The following UBE3A variants were observed in gnomAD, a reference collection of about 807,000 sequenced individuals.
The protein encoded by UBE3A is ubiquitin protein ligase E3A, also known as ubiquitin-protein ligase E3A.
UBE3A carries 6 observed loss-of-function variants against 83.4 expected under a neutral mutation model. The observed-to-expected ratio is 0.07, with a 90% CI of 0.04 to 0.14. The LOEUF (loss-of-function observed/expected upper bound fraction) is 0.14, where lower values mean the gene tolerates loss of function less well. Among genes scored for constraint, UBE3A ranks in the 10% least tolerant of loss-of-function variants. UBE3A has a pLI of 1.00. For missense variants in UBE3A, 456 were observed against 1,036.1 expected (o/e 0.44, Z 7.69); for synonymous variants, 337 against 355.4 (o/e 0.95, Z 0.58).
At chr15:25,410,417 G>C (rs774223837) in intron 2 of UBE3A, among the ~76,000 whole-genome samples, 2 of 152,090 alleles carry the variant, frequency 1.3e-5, no homozygotes, top group Admixed American at 6.5e-5. Context: ...AGTATCAAAA[G>C]ATCATTTTGT....
At chr15:25,401,541 G>A (rs2087088307) in intron 4 of UBE3A, among the ~76,000 whole-genome samples, 2 of 152,206 alleles carry the variant, frequency 1.3e-5, no homozygotes, top group Non-Finnish European at 2.9e-5. Context: ...ATGTGTCTAG[G>A]AATTTATCCA....
intron 4 of UBE3A, among the ~76,000 whole-genome samples, chr15:25,398,190 A>AAAAAC (rs2086040175): frequency 2.0e-5 from 2 of 98,338 alleles, no homozygotes; most frequent in African/African-American, 3.0e-5. Context: ...AAAAAAAAAA[A>AAAAAC]ACACAAAAAA....
chr15:25,433,726 C>T (rs1894176410), intron 1 of UBE3A, among the ~76,000 whole-genome samples: 1 of 152,044 alleles, frequency 6.6e-6, no homozygotes, highest in African/African-American at 2.4e-5. Context: ...TTAGGGATAT[C>T]AGTCATAAGG....
At position 25,371,183 on chromosome 15, in the gene UBE3A, C is replaced by T; in HGVS notation, c.991G>A (p.Asp331Asn). 1 of 1,614,162 alleles carries T rather than the reference C, an allele frequency of 6.2e-7. No individual in the cohort carries two copies. Among genetic ancestry groups the T allele is most frequent in the Non-Finnish European group, 8.5e-7 (1 of 1,180,034 alleles). ...LIRLWSKYNA[D>N]QIRRMMETFQ... ...GTCTCCATCATTCTCCGAATCTGGTCTGCATTGTATTTAGACCACAGTCTG... is the reference window on the plus strand; with the variant it reads ...GTCTCCATCATTCTCCGAATCTGGTTTGCATTGTATTTAGACCACAGTCTG... Residue 331 changes from aspartate to asparagine, a missense_variant, in exon 6 of 13, where the codon GAC becomes AAC. By Grantham distance (23) the Asp-to-Asn change is conservative (BLOSUM62 1). Around this residue, in one of 13 missense-constraint regions of UBE3A, gnomAD observed 85 missense variants for 137.0 expected, o/e 0.62. Coordinates refer to ENST00000648336, the MANE Select transcript of UBE3A (RefSeq NM_130839.5). The surrounding 1 kb of genome is among the most constrained non-coding windows in gnomAD (Gnocchi z 5.3).
intron 1 of UBE3A, among the ~76,000 whole-genome samples, chr15:25,432,567 A>G (rs548902405): frequency 5.9e-4 from 90 of 152,326 alleles, no homozygotes; most frequent in African/African-American, 2.1e-3. Context: ...ACACATCCAG[A>G]ACTAGGAAAG....
rs193106207 is a variant in UBE3A at position 25,410,050 on chromosome 15, G to A, written c.-100-843C>T. Among the ~76,000 whole-genome samples, 767 of 152,142 alleles carry A rather than the reference G, an allele frequency of 5.0e-3. 8 individuals carry two copies. The highest frequency in any genetic ancestry group is 0.018 in the African/African-American group (730 of 41,472). On this transcript the variant is annotated intron_variant, in intron 2 of 12. Transcript: ENST00000648336. ...GGAAATATACCTAATGCTAAATGAC[G>A]AGTTAATGGGTGCAGCACACCAGCA...
chr15:25,435,325 G>A (rs980336160), intron 1 of UBE3A, among the ~76,000 whole-genome samples: 15 of 152,066 alleles, frequency 9.9e-5, no homozygotes, highest in African/African-American at 3.4e-4. Context: ...GTCTTTGTGG[G>A]TCCTGTACTT....
At chr15:25,422,715 C>T (rs1890183948) in intron 1 of UBE3A, among the ~76,000 whole-genome samples, 2 of 151,292 alleles carry the variant, frequency 1.3e-5, no homozygotes, top group South Asian at 4.2e-4. Context: ...TAGCTCATGC[C>T]TGTAATCCCA....
intron 1 of UBE3A, among the ~76,000 whole-genome samples, chr15:25,434,169 A>T (rs1894311115): frequency 6.6e-6 from 1 of 152,238 alleles, no homozygotes; most frequent in Non-Finnish European, 1.5e-5. Flanking sequence ...ATTATCCATA[A>T]TGGCATTTAC....
At chr15:25,385,387 T>A (rs1472487748) in intron 4 of UBE3A, among the ~76,000 whole-genome samples, 1 of 152,026 alleles carries the variant, frequency 6.6e-6, no homozygotes, top group East Asian at 1.9e-4. Context: ...CAATTAAAAC[T>A]GCAATGATAC....
At chr15:25,407,099 C>T (rs754387676) in intron 3 of UBE3A, 8 of 1,350,710 alleles carry the variant, frequency 5.9e-6, no homozygotes, top group Non-Finnish European at 6.9e-6. Flanking sequence ...GTAAGTACCC[C>T]AAGATTGCTT....
chr15:25,375,833 T>C (rs2081111303), intron 4 of UBE3A, 70 bp from the exon 5 acceptor site: 2 of 1,423,462 alleles, frequency 1.4e-6, no homozygotes, highest in African/African-American at 1.4e-5. Context: ...CAACATATCA[T>C]CAAGGCAAAA....
chr15:25,355,192 A>G (rs1171061377), intron 9 of UBE3A, among the ~76,000 whole-genome samples: 1 of 152,124 alleles, frequency 6.6e-6, no homozygotes, highest in Non-Finnish European at 1.5e-5. Context: ...ATTTAAGCAA[A>G]CCAGGAAGTC....
At position 25,338,244 on chromosome 15, in the gene UBE3A, T is replaced by G. The variant is rs576263643; in HGVS notation, c.*893A>C. On this transcript the variant is annotated 3_prime_UTR_variant, in exon 13 of 13. Transcript: ENST00000648336. The stretch of plus-strand genomic sequence containing the variant: ...TGTTTATAATAAACAAACAACAAAC[T>G]TCCTAACTTTGTTGCAATAGGCTTG... 2 of 152,224 alleles carry G rather than the reference T, an allele frequency of 1.3e-5. No homozygotes were observed. The highest frequency in any genetic ancestry group is 4.8e-5 in the African/African-American group (2 of 41,550). The allele number at this position is 152,224 out of a possible 1,614,324, so 9.4% of individuals were successfully genotyped here.
Position 25,338,635 on chromosome 15 carries a change from A to AAT in UBE3A, c.*500_*501dup, listed in dbSNP as rs1346084917. 3 of 152,160 alleles carry AAT rather than the reference A, an allele frequency of 2.0e-5. No homozygotes were observed. The highest frequency in any genetic ancestry group is 2.9e-5 in the Non-Finnish European group (2 of 68,016). 9.4% of individuals were successfully genotyped at this position (152,160 alleles called of 1,614,324 possible). A position where few individuals can be genotyped will look rare whatever the true frequency, so the allele number is the denominator to read the frequency against. On this transcript the variant is annotated 3_prime_UTR_variant, in exon 13 of 13. Coordinates refer to ENST00000648336, the MANE Select transcript of UBE3A (RefSeq NM_130839.5). ...GTTTCAAAAGCAAATCATTAAAAAAAATACAGTTCCTGATTTGAGTTAGAT... is the reference window on the plus strand; with the variant it reads ...GTTTCAAAAGCAAATCATTAAAAAAAATATACAGTTCCTGATTTGAGTTAGAT...
At chr15:25,357,935 C>T (rs1271181882) in intron 7 of UBE3A, among the ~76,000 whole-genome samples, 5 of 126,758 alleles carry the variant, frequency 3.9e-5, no homozygotes, top group African/African-American at 1.2e-4. Flanking sequence ...GAGACGGTCT[C>T]GCTCTGTCGC....
chr15:25,381,474 A>G (rs1038727052), intron 4 of UBE3A, among the ~76,000 whole-genome samples: 2 of 152,216 alleles, frequency 1.3e-5, no homozygotes, highest in Non-Finnish European at 2.9e-5. Flanking sequence ...AATGGTGAAC[A>G]AAGCAAAGAA....
chr15:25,399,797 C>G (rs531214365), intron 4 of UBE3A, among the ~76,000 whole-genome samples: 1 of 151,602 alleles, frequency 6.6e-6, no homozygotes, highest in Non-Finnish European at 1.5e-5. Context: ...AGGCTGCTCT[C>G]GAACTCCTGG....
intron 2 of UBE3A, among the ~76,000 whole-genome samples, chr15:25,411,324 T>C (rs929662159): frequency 2.0e-5 from 3 of 152,192 alleles, no homozygotes; most frequent in African/African-American, 7.2e-5. Flanking sequence ...GCGTGGTGGC[T>C]AACGCCTGTA....
Sources: gnomAD v4.1 joint callset for allele counts (sites outside exome capture counted in the v4.1 genomes callset) on GRCh38, gnomAD v4.1.1 for gene constraint, gnomAD v4.1.1 regional missense constraint, Gnocchi (gnomAD v3.1) non-coding constraint, MANE v1.5 for transcripts, NCBI Gene and HGNC (gene_info 2026-07-23, HGNC 2026-07-21) for gene names.